CPVL: variants seen among roughly 807,000 people sequenced by gnomAD.
The protein encoded by CPVL is probable serine carboxypeptidase CPVL.
A neutral mutation model predicts 63.7 loss-of-function variants in CPVL; 51 were observed. The observed-to-expected ratio is 0.80, with a 90% CI of 0.64 to 1.01. The LOEUF is 1.01. Ranked by LOEUF, CPVL falls within the 50% of genes least tolerant of loss-of-function variation. CPVL has a pLI of 0.00. For synonymous variants in CPVL, 195 were observed against 206.0 expected (o/e 0.95, Z 0.46); for missense variants, 530 against 573.1 (o/e 0.92, Z 0.77).
chr7:29,166,982 A>G (rs949688490), intron 5 of CPVL, among the ~76,000 whole-genome samples: 1 of 152,088 alleles, frequency 6.6e-6, no homozygotes, highest in Admixed American at 6.6e-5. Context: ...ATATATTTCT[A>G]TGCTTTTTTG....
intron 6 of CPVL, 61 bp downstream of exon 6, chr7:29,092,562 C>T (rs59798006): frequency 0.091 from 103,691 of 1,138,674 alleles, 5,418 homozygotes; most frequent in Middle Eastern, 0.13. Context: ...GAATAATTTT[C>T]CTATTGAGAT....
intron 12 of CPVL, among the ~76,000 whole-genome samples, chr7:28,999,588 C>T (rs985033484): frequency 1.3e-5 from 2 of 152,230 alleles, no homozygotes; most frequent in African/African-American, 2.4e-5. Flanking sequence ...CACTCACACA[C>T]ACCTTCCCTG....
chr7:29,146,970 C>CA, upstream of CPVL: 1 of 1,550,878 alleles, frequency 6.4e-7, no homozygotes, highest in Non-Finnish European at 8.7e-7. Context: ...AGTAAGCTCG[C>CA]ACCAAGTGCC....
At chr7:29,001,964 C>A (rs963512249) in intron 12 of CPVL, among the ~76,000 whole-genome samples, 2 of 152,152 alleles carry the variant, frequency 1.3e-5, no homozygotes, top group African/African-American at 4.8e-5. Flanking sequence ...AGAAAATAAG[C>A]TGTTTAAAGG....
intron 5 of CPVL, among the ~76,000 whole-genome samples, chr7:29,172,403 C>G (rs1255860333): frequency 6.6e-6 from 1 of 152,156 alleles, no homozygotes; most frequent in Non-Finnish European, 1.5e-5. Context: ...CTAAAGTTTT[C>G]TTAATATGCT....
At chr7:29,075,732 T>G (rs894652543) in intron 7 of CPVL, among the ~76,000 whole-genome samples, 2 of 124,238 alleles carry the variant, frequency 1.6e-5, no homozygotes. Flanking sequence ...AACCTCACAG[T>G]GATGATCTTA....
chr7:29,015,303 T>A (rs1326940225), intron 12 of CPVL, among the ~76,000 whole-genome samples: 2 of 152,132 alleles, frequency 1.3e-5, no homozygotes, highest in Non-Finnish European at 2.9e-5. Context: ...GGCAGTGGTA[T>A]GGTTTGGATC....
chr7:29,139,949 T>C (rs1304368613), intron 1 of CPVL, among the ~76,000 whole-genome samples: 1 of 152,232 alleles, frequency 6.6e-6, no homozygotes, highest in African/African-American at 2.4e-5. Flanking sequence ...ATGGCTGCCA[T>C]TTCCCCTTTT....
intron 5 of CPVL, among the ~76,000 whole-genome samples, chr7:29,155,669 A>G (rs899792855): frequency 6.6e-6 from 1 of 152,120 alleles, no homozygotes; most frequent in Non-Finnish European, 1.5e-5. Context: ...GATTCTTCCA[A>G]TCATCGTCCT....
chr7:28,996,688 CAATTCATA>C (rs1784109459), intron 12 of CPVL, among the ~76,000 whole-genome samples: 1 of 151,822 alleles, frequency 6.6e-6, no homozygotes, highest in African/African-American at 2.4e-5. Flanking sequence ...AATTCGAAAA[CAATTCATA>C]TAGTGACGAT....
intron 5 of CPVL, among the ~76,000 whole-genome samples, chr7:29,172,679 A>G (rs1796756141): frequency 6.6e-6 from 1 of 152,186 alleles, no homozygotes; most frequent in African/African-American, 2.4e-5. Flanking sequence ...CATATTAACC[A>G]TTGCTTTTTG....
At chr7:29,088,417 C>T (rs1222735439) in intron 6 of CPVL, among the ~76,000 whole-genome samples, 5 of 151,892 alleles carry the variant, frequency 3.3e-5, no homozygotes, top group South Asian at 2.1e-4. Context: ...AAGTTATCAT[C>T]GAGTTTCAAT....
intron 11 of CPVL, among the ~76,000 whole-genome samples, chr7:29,056,482 C>A (rs1790743923): frequency 6.6e-6 from 1 of 152,152 alleles, no homozygotes; most frequent in Non-Finnish European, 1.5e-5. Flanking sequence ...CAGAAATATG[C>A]ATTTAAGTTT....
At chr7:29,102,167 C>T (rs571457198) in intron 3 of CPVL, among the ~76,000 whole-genome samples, 2 of 152,192 alleles carry the variant, frequency 1.3e-5, no homozygotes, top group South Asian at 4.2e-4. Flanking sequence ...TGACCTTGGG[C>T]AAGTTACTTA....
intron 11 of CPVL, among the ~76,000 whole-genome samples, chr7:29,050,553 G>A (rs1790041792): frequency 6.6e-6 from 1 of 151,978 alleles, no homozygotes. Flanking sequence ...AAATGTTAAG[G>A]AAAACTACAA....
intron 6 of CPVL, among the ~76,000 whole-genome samples, chr7:29,090,936 C>T (rs1785707515): frequency 6.6e-6 from 1 of 152,138 alleles, no homozygotes; most frequent in African/African-American, 2.4e-5. Flanking sequence ...CTCTTTAAAC[C>T]TGTAGTAGCC....
exon 1 of CPVL, chr7:29,195,196 G>T: frequency 2.0e-6 from 1 of 499,770 alleles, no homozygotes; most frequent in South Asian, 3.2e-5. Flanking sequence ...CAGCGCAGAG[G>T]TGGGAGAGCG....
At chr7:28,995,137 CCTCAAA>C (rs1476038695), downstream of CPVL, 1 of 152,032 alleles carries the variant, frequency 6.6e-6, no homozygotes, top group Admixed American at 6.6e-5. Flanking sequence ...AGTGTGTACA[CCTCAAA>C]CTCAAAGAAG....
intron 2 of CPVL, among the ~76,000 whole-genome samples, chr7:29,120,074 G>A (rs1431972965): frequency 3.3e-5 from 5 of 152,056 alleles, no homozygotes; most frequent in East Asian, 1.9e-4. Context: ...ATTCAACCCC[G>A]GCTAATTCTC....
Sources: gnomAD v4.1 joint callset for allele counts (sites outside exome capture counted in the v4.1 genomes callset) on GRCh38, gnomAD v4.1.1 for gene constraint, MANE v1.5 for transcripts, NCBI Gene and HGNC (gene_info 2026-07-23, HGNC 2026-07-21) for gene names.